MGAT4C: variants seen among roughly 807,000 people sequenced by gnomAD.
MGAT4C encodes alpha-1,3-mannosyl-glycoprotein 4-beta-N-acetylglucosaminyltransferase C.
A neutral mutation model predicts 40.1 loss-of-function variants in MGAT4C; 19 were observed. The observed-to-expected ratio is 0.47, with a 90% CI of 0.33 to 0.70. The LOEUF is 0.70. Ranked by LOEUF, MGAT4C falls within the 30% of genes least tolerant of loss-of-function variation. MGAT4C has a pLI of 0.02. For synonymous variants in MGAT4C, 181 were observed against 187.1 expected, an observed-to-expected ratio of 0.97 and a Z score of 0.27; for missense variants, 491 against 563.2, an observed-to-expected ratio of 0.87 and a Z score of 1.30.
At chr12:86,259,165 T>G (rs1425576263), upstream of MGAT4C, among the ~76,000 whole-genome samples, 1 of 151,938 alleles carries the variant, frequency 6.6e-6, no homozygotes, top group Admixed American at 6.6e-5. Context: ...TAATAATTAG[T>G]AGAATTTATA....
At chr12:86,566,683 T>A (rs943151446) in intron 2 of MGAT4C, among the ~76,000 whole-genome samples, 8 of 145,894 alleles carry the variant, frequency 5.5e-5, no homozygotes, top group Non-Finnish European at 1.0e-4. Flanking sequence ...AATACATATA[T>A]GTATATATTA....
At chr12:86,769,274 C>T (rs1161500638) in intron 1 of MGAT4C, among the ~76,000 whole-genome samples, 2 of 151,996 alleles carry the variant, frequency 1.3e-5, no homozygotes, top group Non-Finnish European at 1.5e-5. Flanking sequence ...AAAATGCTCA[C>T]CATCACTGGC....
chr12:86,385,511 C>A (rs1272942111), intron 3 of MGAT4C, among the ~76,000 whole-genome samples: 1 of 152,174 alleles, frequency 6.6e-6, no homozygotes, highest in Non-Finnish European at 1.5e-5. Context: ...TGCTTAATGT[C>A]TTTCAATGCC....
intron 2 of MGAT4C, among the ~76,000 whole-genome samples, chr12:86,625,150 C>G (rs1962764277): frequency 6.6e-6 from 1 of 152,140 alleles, no homozygotes; most frequent in South Asian, 2.1e-4. Context: ...TTTAAAGGGG[C>G]TCTTCCCTCT....
chr12:86,188,863 A>C (rs1186808427), intron 1 of MGAT4C, among the ~76,000 whole-genome samples: 1 of 152,018 alleles, frequency 6.6e-6, no homozygotes, highest in African/African-American at 2.4e-5. Context: ...ATGATAAGTT[A>C]TTGATATAAA....
chr12:86,818,348 T>G (rs914268711), intron 1 of MGAT4C, among the ~76,000 whole-genome samples: 2 of 151,158 alleles, frequency 1.3e-5, no homozygotes, highest in Admixed American at 1.3e-4. Context: ...TAAAAAGACA[T>G]TAAAAATCAG....
chr12:86,532,836 T>C (rs186445094), intron 2 of MGAT4C, among the ~76,000 whole-genome samples: 50 of 152,148 alleles, frequency 3.3e-4, no homozygotes, highest in Non-Finnish European at 2.2e-4. Flanking sequence ...TTATCATGTT[T>C]ACTCACATAG....
chr12:86,051,117 T>C (rs1384338776), intron 1 of MGAT4C, among the ~76,000 whole-genome samples: 2 of 151,968 alleles, frequency 1.3e-5, no homozygotes, highest in African/African-American at 4.8e-5. Flanking sequence ...GAAACATCGA[T>C]GAAGAGAATC....
At chr12:86,461,262 G>A (rs1354292927) in intron 2 of MGAT4C, among the ~76,000 whole-genome samples, 9 of 135,288 alleles carry the variant, frequency 6.7e-5, no homozygotes, top group Non-Finnish European at 1.2e-4. Flanking sequence ...TTTTTGAGAC[G>A]GAGTCTCGCT....
intron 2 of MGAT4C, among the ~76,000 whole-genome samples, chr12:86,571,948 G>T (rs1778698662): frequency 6.6e-6 from 1 of 152,026 alleles, no homozygotes; most frequent in Admixed American, 6.6e-5. Context: ...TTTTATTTTA[G>T]GTCTAGAATT....
At chr12:86,659,002 G>T (rs565294057) in intron 2 of MGAT4C, among the ~76,000 whole-genome samples, 1 of 152,146 alleles carries the variant, frequency 6.6e-6, no homozygotes, top group African/African-American at 2.4e-5. Context: ...TGCCATGTTT[G>T]ACCTATGATT....
At chr12:86,471,394 A>G (rs1957756032) in intron 2 of MGAT4C, among the ~76,000 whole-genome samples, 1 of 152,042 alleles carries the variant, frequency 6.6e-6, no homozygotes, top group African/African-American at 2.4e-5. Flanking sequence ...TTTACATCTT[A>G]CTTGAAATAT....
intron 2 of MGAT4C, among the ~76,000 whole-genome samples, chr12:86,584,283 G>T (rs1960917196): frequency 6.6e-6 from 1 of 150,784 alleles, no homozygotes; most frequent in African/African-American, 2.4e-5. Flanking sequence ...AATTTAGGAT[G>T]TCTCAAACAA....
intron 2 of MGAT4C, among the ~76,000 whole-genome samples, chr12:86,506,550 C>A (rs962278887): frequency 2.6e-5 from 4 of 152,078 alleles, no homozygotes; most frequent in Non-Finnish European, 5.9e-5. Flanking sequence ...TCTACAAAAT[C>A]CCTTACACTG....
At position 86,687,775 on chromosome 12, in the gene MGAT4C, G is replaced by A. The variant is rs138490765; in HGVS notation, c.-229+39434C>T. On this transcript the variant is annotated intron_variant, in intron 2 of 7. Transcript: ENST00000548651. ...GAATTATGTGGTCAATTTTAGAATG[G>A]GTGTGATGTGGTGCGGAGAAGAATG... 6.0e-3 allele frequency among the ~76,000 whole-genome samples: 918 copies of A among 152,210 alleles called. 3 individuals carry two copies. The highest frequency in any genetic ancestry group is 8.1e-3 in the Non-Finnish European group (553 of 68,000).
intron 3 of MGAT4C, among the ~76,000 whole-genome samples, chr12:86,406,477 G>C (rs940450016): frequency 6.6e-6 from 1 of 152,066 alleles, no homozygotes; most frequent in African/African-American, 2.4e-5. Flanking sequence ...TCGCAAGTAA[G>C]CACATGAAAA....
chr12:86,138,599 AT>A (rs1408198365), intron 1 of MGAT4C, among the ~76,000 whole-genome samples: 1 of 147,362 alleles, frequency 6.8e-6, no homozygotes, highest in African/African-American at 2.5e-5. Flanking sequence ...TTCCATATAT[AT>A]ATTTCCATAG....
At chr12:86,717,837 G>A (rs1049153369) in intron 2 of MGAT4C, among the ~76,000 whole-genome samples, 7 of 152,188 alleles carry the variant, frequency 4.6e-5, no homozygotes, top group East Asian at 1.9e-4. Context: ...ATTCTAGAAC[G>A]TTCTTGTTTC....
At chr12:86,408,479 C>CTCTCTCTCTCTATATATATATATA (rs1267344319) in intron 3 of MGAT4C, among the ~76,000 whole-genome samples, 2 of 63,342 alleles carry the variant, frequency 3.2e-5, no homozygotes, top group African/African-American at 1.6e-4. Context: ...CTCTCTCTCT[C>CTCTCTCTCTCTATATATATATATA]TATATATATA....
Sources: allele counts gnomAD v4.1 joint callset (sites outside exome capture counted in the v4.1 genomes callset), GRCh38; gene constraint gnomAD v4.1.1; transcripts MANE v1.5; gene names NCBI Gene and HGNC (gene_info 2026-07-23, HGNC 2026-07-21).